The following TCAF1 variants were observed in gnomAD, a reference collection of about 807,000 sequenced individuals.
TCAF1 encodes the protein TRPM8 channel-associated factor 1.
In TCAF1, 4 loss-of-function variants were observed where a neutral mutation model predicts 27.3. The ratio of observed to expected loss-of-function variants is 0.15; its 90% CI spans 0.07 to 0.34. The LOEUF (loss-of-function observed/expected upper bound fraction) is 0.34. TCAF1 is among the 10% of genes least tolerant of loss of function. TCAF1 has a pLI of 1.00. For missense variants in TCAF1, 257 were observed against 425.8 expected (o/e 0.60, Z 3.49); for synonymous variants, 105 against 167.1 (o/e 0.63, Z 2.87).
At chr7:143,894,130 A>G (rs1417737090) in intron 1 of TCAF1, among the ~76,000 whole-genome samples, 1 of 151,864 alleles carries the variant, frequency 6.6e-6, no homozygotes, top group Non-Finnish European at 1.5e-5. Flanking sequence ...ATGAATTTGC[A>G]AATTGTTTAA....
At chr7:143,884,717 G>C (rs1002624679) in intron 1 of TCAF1, among the ~76,000 whole-genome samples, 4 of 151,198 alleles carry the variant, frequency 2.6e-5, no homozygotes, top group Non-Finnish European at 4.4e-5. Flanking sequence ...TGGGGGGAAG[G>C]GGTTTTTAAG....
chr7:143,888,997 AAAAT>A (rs1191026412), intron 1 of TCAF1, among the ~76,000 whole-genome samples: 2 of 152,170 alleles, frequency 1.3e-5, no homozygotes, highest in African/African-American at 4.8e-5. Flanking sequence ...TAGAAATTAA[AAAAT>A]AATTGAAATA....
intron 1 of TCAF1, among the ~76,000 whole-genome samples, chr7:143,892,557 G>C (rs1250183418): frequency 6.8e-6 from 1 of 148,026 alleles, no homozygotes; most frequent in Non-Finnish European, 1.5e-5. Context: ...TGGAGAAGGA[G>C]TGTCACCGTT....
intron 1 of TCAF1, among the ~76,000 whole-genome samples, chr7:143,899,856 A>C (rs1377325031): frequency 6.6e-6 from 1 of 152,250 alleles, no homozygotes. Flanking sequence ...AGAATTTCAC[A>C]AAGAGAAAGC....
At chr7:143,893,475 T>C (rs1337021879) in intron 1 of TCAF1, among the ~76,000 whole-genome samples, 2 of 152,106 alleles carry the variant, frequency 1.3e-5, no homozygotes, top group Non-Finnish European at 2.9e-5. Flanking sequence ...ACATGATTTT[T>C]AGTGCGTGTC....
At chr7:143,858,470 C>CCAG (rs1811649394) in intron 7 of TCAF1, among the ~76,000 whole-genome samples, 1 of 124,838 alleles carries the variant, frequency 8.0e-6, no homozygotes, top group Non-Finnish European at 1.6e-5. Flanking sequence ...AGTTTGGCTT[C>CCAG]AGTCTCAGGT....
At chr7:143,859,889 A>AC (rs1189129653) in intron 6 of TCAF1, among the ~76,000 whole-genome samples, 10,656 of 85,138 alleles carry the variant, frequency 0.13, 2,588 homozygotes, top group South Asian at 0.19. Flanking sequence ...ACATATATAT[A>AC]ATATATATTA....
At chr7:143,875,838 C>T (rs1466527557) in intron 2 of TCAF1, 151 bp downstream of exon 2, 11 of 619,104 alleles carry the variant, frequency 1.8e-5, no homozygotes, top group Admixed American at 3.3e-5. Context: ...TCCTATGTCT[C>T]AGGGCATTTA....
intron 1 of TCAF1, among the ~76,000 whole-genome samples, chr7:143,888,876 G>A (rs1813529354): frequency 1.3e-5 from 2 of 152,014 alleles, no homozygotes; most frequent in Admixed American, 1.3e-4. Flanking sequence ...TTAGATATCA[G>A]AATTACTAGT....
chr7:143,888,234 G>C (rs549909675), intron 1 of TCAF1, among the ~76,000 whole-genome samples: 1 of 152,132 alleles, frequency 6.6e-6, no homozygotes, highest in Admixed American at 6.5e-5. Flanking sequence ...GGAAAGTAGA[G>C]AGTACACAAA....
chr7:143,878,223 T>C (rs190872701), intron 1 of TCAF1, among the ~76,000 whole-genome samples: 1 of 152,364 alleles, frequency 6.6e-6, no homozygotes, highest in East Asian at 1.9e-4. Flanking sequence ...ATAAACCATT[T>C]AATTTAAGCA....
chr7:143,888,746 C>A (rs1307959027), intron 1 of TCAF1, among the ~76,000 whole-genome samples: 1 of 152,070 alleles, frequency 6.6e-6, no homozygotes, highest in Non-Finnish European at 1.5e-5. Flanking sequence ...ATTTCTAGGA[C>A]AAAAATTCAC....
At chr7:143,885,599 G>C (rs538008422) in intron 1 of TCAF1, 8 of 968,370 alleles carry the variant, frequency 8.3e-6, no homozygotes, top group Non-Finnish European at 9.8e-6. Context: ...GATAAATAAT[G>C]ATGATCTCTG....
At chr7:143,890,830 G>A (rs1245426006) in intron 1 of TCAF1, among the ~76,000 whole-genome samples, 1 of 152,194 alleles carries the variant, frequency 6.6e-6, no homozygotes, top group Non-Finnish European at 1.5e-5. Context: ...TAATGTCACT[G>A]GCTGATTCCT....
intron 1 of TCAF1, chr7:143,885,537 C>T: frequency 1.0e-6 from 1 of 985,308 alleles, no homozygotes; most frequent in Non-Finnish European, 1.2e-6. Flanking sequence ...TGCAGCAGGA[C>T]GATTTGTTTC....
intron 1 of TCAF1, among the ~76,000 whole-genome samples, chr7:143,879,200 T>G (rs1812882025): frequency 6.6e-6 from 1 of 152,242 alleles, no homozygotes; most frequent in African/African-American, 2.4e-5. Context: ...CCTGTCCTTC[T>G]AAGAGAAGAT....
chr7:143,857,856 AGTG>A (rs1437100458), intron 7 of TCAF1, among the ~76,000 whole-genome samples: 1 of 119,730 alleles, frequency 8.4e-6, no homozygotes, highest in East Asian at 2.2e-4. Flanking sequence ...GGGGAAAAAA[AGTG>A]AGTTGGATAG....
chr7:143,878,990 G>T, intron 1 of TCAF1, among the ~76,000 whole-genome samples: 1 of 152,112 alleles, frequency 6.6e-6, no homozygotes, highest in East Asian at 1.9e-4. Context: ...GGTCTCTGGG[G>T]ACCATCTACT....
chr7:143,876,348 G>A lies in TCAF1; in HGVS notation c.261C>T (p.Ser87=), dbSNP rs911459443. 10 of 1,614,104 alleles carry A rather than the reference G, an allele frequency of 6.2e-6. No individual in the cohort carries two copies. The highest frequency in any genetic ancestry group is 3.3e-5 in the Admixed American group (2 of 60,008). The change falls in exon 2 of 9, where the codon TCC becomes TCT. Residue 87 remains serine (S), a synonymous_variant. Transcript: ENST00000479870. ...GGTGTACACCAATGGGAGCCCCAGG[G>A]GAAGAGCAAAGCCACCCCACTGCGT... ...LLNAVGWLCS[S]PGAPIGVHPS...
Sources: gnomAD v4.1 joint callset for allele counts (sites outside exome capture counted in the v4.1 genomes callset) on GRCh38, gnomAD v4.1.1 for gene constraint, MANE v1.5 for transcripts, NCBI Gene and HGNC (gene_info 2026-07-23, HGNC 2026-07-21) for gene names.